HHIP: variants seen among roughly 807,000 people sequenced by gnomAD.
HHIP encodes the protein hedgehog-interacting protein.
HHIP carries 12 observed loss-of-function variants against 74.0 expected under a neutral mutation model. The ratio of observed to expected loss-of-function variants is 0.16; its 90% CI spans 0.10 to 0.26. The LOEUF (loss-of-function observed/expected upper bound fraction) is 0.26, where lower values mean the gene tolerates loss of function less well. HHIP is among the 10% of genes least tolerant of loss of function. The pLI is 1.00. For synonymous variants in HHIP, 309 were observed against 311.6 expected (o/e 0.99, Z 0.09); for missense variants, 788 against 845.0 (o/e 0.93, Z 0.84).
intron 1 of HHIP, 74 bp downstream of exon 1, chr4:144,647,028 G>C: frequency 7.2e-7 from 1 of 1,386,018 alleles, no homozygotes; most frequent in South Asian, 1.4e-5. Context: ...CTCTGGCAAA[G>C]CCGGTGGTTG....
At chr4:144,711,908 G>T (rs1730315448) in intron 7 of HHIP, 42 bp from the exon 8 acceptor site, 2 of 1,586,452 alleles carry the variant, frequency 1.3e-6, no homozygotes, top group South Asian at 2.3e-5. Context: ...GCTTGGAAAA[G>T]ATCACGGTAG....
chr4:144,684,561 G>A (rs560239338), intron 4 of HHIP, among the ~76,000 whole-genome samples: 17 of 151,884 alleles, frequency 1.1e-4, no homozygotes, highest in African/African-American at 4.1e-4. Flanking sequence ...TTACAGGCGT[G>A]AGCCACCGCG....
At chr4:144,732,039 C>T (rs1730974380) in intron 11 of HHIP, among the ~76,000 whole-genome samples, 1 of 152,052 alleles carries the variant, frequency 6.6e-6, no homozygotes, top group South Asian at 2.1e-4. Context: ...AATGATTGGA[C>T]TTGAAGAGGA....
chr4:144,664,098 A>AG (rs1354467501), intron 4 of HHIP, among the ~76,000 whole-genome samples: 1 of 152,242 alleles, frequency 6.6e-6, no homozygotes, highest in African/African-American at 2.4e-5. Context: ...CAGCAGACAC[A>AG]GCTGAAAGCC....
intron 12 of HHIP, among the ~76,000 whole-genome samples, chr4:144,735,786 C>T (rs532065855): frequency 2.6e-5 from 4 of 152,210 alleles, no homozygotes; most frequent in Non-Finnish European, 5.9e-5. Flanking sequence ...AAAATTATAA[C>T]TATAACTTGT....
At position 144,739,399 on chromosome 4, in the gene HHIP, A is replaced by G. The variant is rs577573551; in HGVS notation, c.*1442A>G. On this transcript the variant is annotated 3_prime_UTR_variant, in exon 13 of 13. Coordinates refer to ENST00000296575, the MANE Select transcript of HHIP (RefSeq NM_022475.3). ...CTTCTGTAAACATCCATTCCTCTAGAATCTAAATTGTAGAGCAGTATAGAT... is the reference window on the plus strand; with the variant it reads ...CTTCTGTAAACATCCATTCCTCTAGGATCTAAATTGTAGAGCAGTATAGAT... 3 of 152,350 alleles carry G rather than the reference A, an allele frequency of 2.0e-5. No individual in the cohort carries two copies. In the South Asian group the frequency reaches 6.2e-4, roughly 32 times the overall value. The allele number at this position is 152,350 out of a possible 1,614,324, so 9.4% of individuals were successfully genotyped here.
In HHIP at chr4:144,646,672, G is replaced by A; in HGVS notation, c.-4G>A. On this transcript the variant is annotated 5_prime_UTR_variant, in exon 1 of 13. Transcript: ENST00000296575. The stretch of plus-strand genomic sequence containing the variant: ...CGCCCAGCCCCTGCTGCTCTGGGCA[G>A]ACGATGCTGAAGATGCTCTCCTTTA... The A allele has an allele frequency of 6.2e-7, 1 of 1,613,578 alleles. No individual in the cohort carries two copies. The highest frequency in any genetic ancestry group is 8.5e-7 in the Non-Finnish European group (1 of 1,179,636).
intron 11 of HHIP, among the ~76,000 whole-genome samples, chr4:144,727,040 C>T (rs1730825931): frequency 6.6e-6 from 1 of 152,200 alleles, no homozygotes; most frequent in Non-Finnish European, 1.5e-5. Flanking sequence ...CTTGAGGGGT[C>T]TGCCCCAAAC....
chr4:144,677,734 TC>T (rs1356526117), intron 4 of HHIP, among the ~76,000 whole-genome samples: 1 of 152,188 alleles, frequency 6.6e-6, no homozygotes, highest in African/African-American at 2.4e-5. Context: ...CCTGACATTC[TC>T]CCTGTGCTTC....
intron 2 of HHIP, among the ~76,000 whole-genome samples, chr4:144,656,234 T>C (rs1289560099): frequency 3.3e-5 from 5 of 152,236 alleles, no homozygotes; most frequent in African/African-American, 1.2e-4. Context: ...AAAGCCCATG[T>C]ATTTAAGTAA....
intron 4 of HHIP, chr4:144,685,505 A>G (rs1375581194): frequency 6.6e-6 from 1 of 152,250 alleles, no homozygotes; most frequent in Non-Finnish European, 1.5e-5. Flanking sequence ...CATTTGAAAA[A>G]TTGTGGAATT....
At position 144,725,659 on chromosome 4, in the gene HHIP, C is replaced by CGT. The variant is rs1171798037; in HGVS notation, c.1760+6705_1760+6706dup. 1.7e-3 allele frequency among the ~76,000 whole-genome samples: 240 copies of CGT among 141,864 alleles called. 1 individual carries two copies. The highest frequency in any genetic ancestry group is 3.4e-3 in the Middle Eastern group (1 of 292). The allele number at this position is 141,864 out of a possible 152,430, so 93.1% of individuals were successfully genotyped here. On this transcript the variant is annotated intron_variant, in intron 11 of 12. Transcript: ENST00000296575. Reference sequence around the variant, plus strand: ...TTTATTTATTCTGTGGGTGTGTGCGCGTGCGTGTGTGTGTGTGTGTGTGTT... The same window carrying CGT: ...TTTATTTATTCTGTGGGTGTGTGCGCGTGTGCGTGTGTGTGTGTGTGTGTGTT...
At chr4:144,711,463 A>G (rs1053697101) in intron 7 of HHIP, among the ~76,000 whole-genome samples, 1 of 151,922 alleles carries the variant, frequency 6.6e-6, no homozygotes. Context: ...TGCGTTAGGT[A>G]TTTGTCCTAA....
At chr4:144,670,764 G>GAAA (rs1167213848) in intron 4 of HHIP, among the ~76,000 whole-genome samples, 149 of 54,912 alleles carry the variant, frequency 2.7e-3, no homozygotes, top group African/African-American at 5.5e-3. Flanking sequence ...CTTAAGATTT[G>GAAA]AAAAAAAAAA....
At chr4:144,694,819 A>G (rs917794086) in intron 4 of HHIP, among the ~76,000 whole-genome samples, 6 of 151,844 alleles carry the variant, frequency 4.0e-5, no homozygotes, top group African/African-American at 1.4e-4. Flanking sequence ...TGCCTCAGAG[A>G]TTTTAGCTTT....
chr4:144,684,100 C>T (rs1037960276), intron 4 of HHIP, among the ~76,000 whole-genome samples: 1 of 150,742 alleles, frequency 6.6e-6, no homozygotes, highest in African/African-American at 2.4e-5. Context: ...AGGCCAGTCG[C>T]AGTGACTCAC....
At chr4:144,691,561 T>A (rs1335869975) in intron 4 of HHIP, among the ~76,000 whole-genome samples, 1 of 152,206 alleles carries the variant, frequency 6.6e-6, no homozygotes, top group African/African-American at 2.4e-5. Flanking sequence ...TGTGCTTGTA[T>A]TTCTATTTTC....
At chr4:144,663,139 A>T (rs1374992191) in intron 4 of HHIP, among the ~76,000 whole-genome samples, 1 of 152,168 alleles carries the variant, frequency 6.6e-6, no homozygotes, top group Non-Finnish European at 1.5e-5. Context: ...TACAAAAAAA[A>T]TTAGCCGGGC....
chr4:144,731,777 G>T (rs1003067646), intron 11 of HHIP, among the ~76,000 whole-genome samples: 4 of 152,148 alleles, frequency 2.6e-5, no homozygotes, highest in African/African-American at 9.7e-5. Flanking sequence ...TAGTTCCTAT[G>T]AATATGAATA....
Sources: gnomAD v4.1 joint callset for allele counts (sites outside exome capture counted in the v4.1 genomes callset) on GRCh38, gnomAD v4.1.1 for gene constraint, MANE v1.5 for transcripts, NCBI Gene and HGNC (gene_info 2026-07-23, HGNC 2026-07-21) for gene names.